Variants in NRP1 observed in about 807,000 individuals in gnomAD.
The protein encoded by NRP1 is neuropilin-1.
A neutral mutation model predicts 106.7 loss-of-function variants in NRP1; 35 were observed. The observed-to-expected ratio is 0.33, with a 90% CI of 0.25 to 0.43. The LOEUF (loss-of-function observed/expected upper bound fraction) is 0.43, where lower values mean the gene tolerates loss of function less well. Ranked by LOEUF, NRP1 falls within the 20% of genes least tolerant of loss-of-function variation. The pLI is 1.00. For missense variants in NRP1, 1,024 were observed against 1,170.4 expected (o/e 0.87, Z 1.83); for synonymous variants, 437 against 417.9 (o/e 1.05, Z -0.56).
intron 2 of NRP1, among the ~76,000 whole-genome samples, chr10:33,315,515 T>G (rs771772066): frequency 3.3e-5 from 5 of 152,204 alleles, no homozygotes; most frequent in Middle Eastern, 3.2e-3. Flanking sequence ...CATTGGCCAA[T>G]TCAATTTGGC....
intron 2 of NRP1, among the ~76,000 whole-genome samples, chr10:33,308,045 A>G (rs1042102542): frequency 2.6e-5 from 4 of 152,208 alleles, no homozygotes; most frequent in African/African-American, 9.7e-5. Flanking sequence ...ATAAAAAAGA[A>G]TGAGATCATG....
At chr10:33,249,499 A>G (rs778508217) in intron 6 of NRP1, 3 of 531,336 alleles carry the variant, frequency 5.6e-6, no homozygotes, top group Admixed American at 1.9e-5. Context: ...ATGTGCTTGA[A>G]GAGGAAGATT....
chr10:33,310,228 C>T (rs960564101), intron 2 of NRP1, among the ~76,000 whole-genome samples: 1 of 136,686 alleles, frequency 7.3e-6, no homozygotes, highest in Non-Finnish European at 1.5e-5. Context: ...GGATTACAGG[C>T]GTGAGCCACT....
rs1835567579 is a variant in NRP1 at position 33,179,817 on chromosome 10, A to G, written c.*259T>C. 4.2e-6 allele frequency: 2 copies of G among 475,582 alleles called. No individual in the cohort carries two copies. The highest frequency in any genetic ancestry group is 3.4e-5 in the East Asian group (1 of 29,018). The allele number at this position is 475,582 out of a possible 1,614,324, so 29.5% of individuals were successfully genotyped here. On this transcript the variant is annotated 3_prime_UTR_variant, in exon 17 of 17. Coordinates refer to ENST00000374867, the MANE Select transcript of NRP1 (RefSeq NM_003873.7). Reference sequence around the variant, plus strand: ...GGGGTCGAAATGAATGATTATGTCAATCATACTTGGTCTCAACACCAGCAT... The same window carrying G: ...GGGGTCGAAATGAATGATTATGTCAGTCATACTTGGTCTCAACACCAGCAT...
chr10:33,331,187 G>A (rs1848261421), intron 1 of NRP1, among the ~76,000 whole-genome samples: 1 of 152,168 alleles, frequency 6.6e-6, no homozygotes, highest in Non-Finnish European at 1.5e-5. Flanking sequence ...CTCAATTGAT[G>A]TTAACATGGT....
chr10:33,273,816 C>T (rs918840876), intron 2 of NRP1, among the ~76,000 whole-genome samples: 7 of 152,246 alleles, frequency 4.6e-5, no homozygotes, highest in Middle Eastern at 3.4e-3. Context: ...AAAAAGAAAG[C>T]TCCAGTTCAC....
intron 4 of NRP1, among the ~76,000 whole-genome samples, chr10:33,256,879 G>T (rs74361938): frequency 2.0e-5 from 3 of 152,060 alleles, no homozygotes; most frequent in African/African-American, 7.2e-5. Flanking sequence ...ACCCGTCCTC[G>T]CCTCTCTTGC....
At chr10:33,255,232 T>G (rs1316110166) in intron 5 of NRP1, among the ~76,000 whole-genome samples, 1 of 152,230 alleles carries the variant, frequency 6.6e-6, no homozygotes, top group African/African-American at 2.4e-5. Flanking sequence ...TTATTTGTAA[T>G]ATAACAATTA....
intron 2 of NRP1, among the ~76,000 whole-genome samples, chr10:33,271,276 G>C: frequency 6.6e-6 from 1 of 152,028 alleles, no homozygotes. Flanking sequence ...ATGTCTCCTT[G>C]GCTGGAGCTC....
intron 2 of NRP1, among the ~76,000 whole-genome samples, chr10:33,290,114 T>C (rs538127361): frequency 6.6e-6 from 1 of 152,308 alleles, no homozygotes; most frequent in South Asian, 2.1e-4. Context: ...GGAATATAAG[T>C]CCTGCAGCCA....
At chr10:33,207,073 C>A (rs955030863) in intron 10 of NRP1, among the ~76,000 whole-genome samples, 1 of 152,080 alleles carries the variant, frequency 6.6e-6, no homozygotes, top group African/African-American at 2.4e-5. Context: ...CACTGCGGAC[C>A]GAAACTGGAT....
At chr10:33,209,965 G>T (rs987880690) in intron 9 of NRP1, among the ~76,000 whole-genome samples, 7 of 152,244 alleles carry the variant, frequency 4.6e-5, no homozygotes, top group African/African-American at 1.7e-4. Context: ...CCCAGTAGCT[G>T]TGTCAAGACA....
chr10:33,276,243 C>T lies in NRP1; in HGVS notation c.249-5387G>A, dbSNP rs1392413578. 2.6e-5 allele frequency among the ~76,000 whole-genome samples: 4 copies of T among 152,252 alleles called. No individual in the cohort carries two copies. In the East Asian group the frequency reaches 5.8e-4, roughly 22 times the overall value. ...AAATAAACAAATCAATACCTGTTTG[C>T]CTTATTTTCCATTTGTTGATAAAAC... On this transcript the variant is annotated intron_variant, in intron 2 of 16. Transcript: ENST00000374867.
chr10:33,271,613 C>T (rs925546172), intron 2 of NRP1, among the ~76,000 whole-genome samples: 12 of 152,124 alleles, frequency 7.9e-5, no homozygotes, highest in African/African-American at 2.9e-4. Context: ...ACGCTTGATA[C>T]CACAAAAGTG....
At chr10:33,215,139 T>C (rs2132833040) in intron 8 of NRP1, among the ~76,000 whole-genome samples, 1 of 152,346 alleles carries the variant, frequency 6.6e-6, no homozygotes, top group East Asian at 1.9e-4. Flanking sequence ...CTTCATCCCA[T>C]TTGCCTAATT....
At chr10:33,283,676 CT>C (rs1844306328) in intron 2 of NRP1, among the ~76,000 whole-genome samples, 2 of 152,074 alleles carry the variant, frequency 1.3e-5, no homozygotes, top group Admixed American at 1.3e-4. Flanking sequence ...TACAGCAAAC[CT>C]TTAACTATCT....
intron 10 of NRP1, 37 bp from the exon 11 acceptor site, chr10:33,203,032 G>C (rs1837469325): frequency 6.4e-7 from 1 of 1,573,432 alleles, no homozygotes; most frequent in Non-Finnish European, 8.6e-7. Flanking sequence ...CTCACACCTT[G>C]GAAATGTATT....
At chr10:33,260,504 G>A (rs188564012) in intron 4 of NRP1, among the ~76,000 whole-genome samples, 1 of 152,290 alleles carries the variant, frequency 6.6e-6, no homozygotes, top group African/African-American at 2.4e-5. Flanking sequence ...TGCCAGCTGA[G>A]GCAGAGAGCT....
intron 2 of NRP1, among the ~76,000 whole-genome samples, chr10:33,277,546 T>C (rs1588904293): frequency 2.6e-5 from 4 of 152,382 alleles, no homozygotes; most frequent in South Asian, 4.1e-4. Flanking sequence ...CGAGGAGCTA[T>C]GGGGCCTGAG....
Sources: gnomAD v4.1 joint callset for allele counts (sites outside exome capture counted in the v4.1 genomes callset) on GRCh38, gnomAD v4.1.1 for gene constraint, MANE v1.5 for transcripts, NCBI Gene and HGNC (gene_info 2026-07-23, HGNC 2026-07-21) for gene names.